The following CTTNBP2 variants were observed in gnomAD, a reference collection of about 807,000 sequenced individuals.
CTTNBP2 encodes the protein cortactin-binding protein 2.
Under a neutral mutation model 156.9 loss-of-function variants are expected in CTTNBP2, and 108 were observed. The ratio of observed to expected loss-of-function variants is 0.69; its 90% CI spans 0.59 to 0.81. The LOEUF is 0.81. Ranked by LOEUF, CTTNBP2 falls within the 30% of genes least tolerant of loss-of-function variation. The pLI, the probability that CTTNBP2 is intolerant of heterozygous loss-of-function variation, is 0.00. For missense variants in CTTNBP2, 1,924 were observed against 2,035.4 expected, an observed-to-expected ratio of 0.95 and a Z score of 1.05; for synonymous variants, 767 against 751.8, an observed-to-expected ratio of 1.02 and a Z score of -0.33.
chr7:117,804,111 C>T (rs34849507), intron 3 of CTTNBP2, among the ~76,000 whole-genome samples: 15,079 of 151,912 alleles, frequency 0.099, 1,106 homozygotes, highest in African/African-American at 0.2. Context: ...TACAGGTATG[C>T]GAGAACATAC....
At chr7:117,830,975 A>G (rs1201266421) in intron 2 of CTTNBP2, among the ~76,000 whole-genome samples, 3 of 151,804 alleles carry the variant, frequency 2.0e-5, no homozygotes, top group Non-Finnish European at 2.9e-5. Context: ...TTTTTTTTTA[A>G]TTTTTTTGTT....
intron 14 of CTTNBP2, among the ~76,000 whole-genome samples, chr7:117,745,156 C>G (rs535290874): frequency 6.6e-6 from 1 of 152,118 alleles, no homozygotes; most frequent in Non-Finnish European, 1.5e-5. Context: ...AATCTAAGAT[C>G]GAAAACTCAT....
At chr7:117,824,801 A>G (rs982231910) in intron 2 of CTTNBP2, among the ~76,000 whole-genome samples, 1 of 152,264 alleles carries the variant, frequency 6.6e-6, no homozygotes, top group African/African-American at 2.4e-5. Flanking sequence ...TTCAAATTGT[A>G]AGACACAAGA....
chr7:117,726,330 T>C (rs1264757851), intron 17 of CTTNBP2, among the ~76,000 whole-genome samples: 1 of 152,248 alleles, frequency 6.6e-6, no homozygotes, highest in Non-Finnish European at 1.5e-5. Context: ...GATCCATCTA[T>C]TTTAAGTTTC....
intron 2 of CTTNBP2, among the ~76,000 whole-genome samples, chr7:117,829,206 G>A (rs374548332): frequency 6.6e-6 from 1 of 152,190 alleles, no homozygotes; most frequent in Admixed American, 6.5e-5. Context: ...GCTGCAGGAA[G>A]GAGGTCAGGA....
chr7:117,742,880 A>G (rs1334095846), intron 14 of CTTNBP2, among the ~76,000 whole-genome samples: 3 of 152,220 alleles, frequency 2.0e-5, no homozygotes, highest in Admixed American at 6.5e-5. Context: ...TGGACCTACA[A>G]TTCTGTCAGC....
chr7:117,766,694 TTGCC>T (rs1357235654), intron 9 of CTTNBP2, among the ~76,000 whole-genome samples: 1 of 152,158 alleles, frequency 6.6e-6, no homozygotes, highest in Non-Finnish European at 1.5e-5. Flanking sequence ...GACAACCAAC[TTGCC>T]TGCCTCATAC....
At chr7:117,827,713 A>T (rs1429686372) in intron 2 of CTTNBP2, among the ~76,000 whole-genome samples, 1 of 152,222 alleles carries the variant, frequency 6.6e-6, no homozygotes, top group Non-Finnish European at 1.5e-5. Flanking sequence ...ACAAGAGTTA[A>T]CAGAAGCATT....
intron 2 of CTTNBP2, among the ~76,000 whole-genome samples, chr7:117,858,749 G>C (rs938728187): frequency 1.3e-5 from 2 of 152,184 alleles, no homozygotes; most frequent in Non-Finnish European, 2.9e-5. Flanking sequence ...GACCAGTCTA[G>C]AGGGTAACTC....
At chr7:117,720,307 C>T (rs1016673354) in intron 20 of CTTNBP2, among the ~76,000 whole-genome samples, 1 of 152,178 alleles carries the variant, frequency 6.6e-6, no homozygotes, top group South Asian at 2.1e-4. Flanking sequence ...TATTTACAAA[C>T]TGCCTAAACA....
At chr7:117,813,515 T>C (rs1243035781) in intron 2 of CTTNBP2, among the ~76,000 whole-genome samples, 1 of 152,102 alleles carries the variant, frequency 6.6e-6, no homozygotes, top group Admixed American at 6.5e-5. Context: ...GACTTCCCTA[T>C]TGAACAGGAC....
rs1195095685 is a variant in CTTNBP2, at chr7:117,735,344, G to C, written c.3613C>G (p.Leu1205Val). The change falls in exon 15 of 23, where the codon CTG becomes GTG. Residue 1205 changes from leucine (L) to valine (V), a missense_variant. Physicochemically the swap from Leu to Val is conservative, Grantham distance 32. Transcript: ENST00000160373. ...IILENLEKSSLSELLRDFLAP... is the reference protein window; with the variant it reads ...IILENLEKSSVSELLRDFLAP... Reference sequence around the variant, plus strand: ...AAAAAGTCCCTCAATAACTCCGACAGTGAAGATTTTTCTAAATTTTCTAAA... The same window carrying C: ...AAAAAGTCCCTCAATAACTCCGACACTGAAGATTTTTCTAAATTTTCTAAA... 1 of 1,613,526 alleles carries C rather than the reference G, an allele frequency of 6.2e-7. No individual in the cohort carries two copies. Among genetic ancestry groups the C allele is most frequent in the Non-Finnish European group, 8.5e-7 (1 of 1,179,568 alleles).
At chr7:117,791,029 AT>A (rs1563009346) in intron 4 of CTTNBP2, 98 bp downstream of exon 4, 23 of 1,042,824 alleles carry the variant, frequency 2.2e-5, no homozygotes, top group Non-Finnish European at 2.7e-5. Flanking sequence ...GAAGCATCAA[AT>A]TTAAAAAAAA....
rs779705396 is a variant in CTTNBP2, at chr7:117,792,249, G to C, written c.947C>G (p.Ala316Gly). 1.2e-6 allele frequency: 2 copies of C among 1,614,186 alleles called. No homozygotes were observed. Among genetic ancestry groups the C allele is most frequent in the Middle Eastern group, 1.6e-4 (1 of 6,062 alleles). Residue 316 changes from alanine to glycine, a missense_variant, in exon 4 of 23, where the codon GCT becomes GGT. Ala to Gly is a moderately conservative substitution (Grantham distance 60). Coordinates refer to ENST00000160373, the MANE Select transcript of CTTNBP2 (RefSeq NM_033427.3). The surrounding 1 kb of genome is among the most constrained non-coding windows in gnomAD (Gnocchi z 4.2). ...ACQTDLVTENADHMKKLPLTM... is the reference protein window; with the variant it reads ...ACQTDLVTENGDHMKKLPLTM... Reference sequence around the variant, plus strand: ...TAAAGGCAACTTTTTCATGTGGTCAGCATTTTCTGTCACTAGGTCTGTCTG... The same window carrying C: ...TAAAGGCAACTTTTTCATGTGGTCACCATTTTCTGTCACTAGGTCTGTCTG...
intron 16 of CTTNBP2, among the ~76,000 whole-genome samples, chr7:117,729,190 A>C (rs774547837): frequency 7.9e-5 from 12 of 152,350 alleles, no homozygotes; most frequent in Non-Finnish European, 1.6e-4. Context: ...ACGGAATCAC[A>C]TTTCACAGTA....
intron 2 of CTTNBP2, among the ~76,000 whole-genome samples, chr7:117,837,935 G>C (rs78962191): frequency 0.018 from 2,738 of 152,256 alleles, 85 homozygotes; most frequent in African/African-American, 0.063. Flanking sequence ...ATCTGCATTT[G>C]TGGCCTCACT....
intron 1 of CTTNBP2, among the ~76,000 whole-genome samples, chr7:117,872,447 G>A (rs1804673458): frequency 6.6e-6 from 1 of 152,156 alleles, no homozygotes; most frequent in African/African-American, 2.4e-5. Context: ...CTCCTGCGAA[G>A]CTGCTTCCCA....
intron 12 of CTTNBP2, among the ~76,000 whole-genome samples, chr7:117,754,562 C>T (rs1157175874): frequency 6.6e-6 from 1 of 152,148 alleles, no homozygotes; most frequent in Non-Finnish European, 1.5e-5. Flanking sequence ...AACACAGGGC[C>T]TATGCTCTTA....
At chr7:117,779,579 C>T (rs754921906) in intron 7 of CTTNBP2, among the ~76,000 whole-genome samples, 9 of 151,820 alleles carry the variant, frequency 5.9e-5, no homozygotes, top group Non-Finnish European at 8.8e-5. Context: ...ATGTGTGTAA[C>T]ACCACAGATT....
Sources: allele counts gnomAD v4.1 joint callset (sites outside exome capture counted in the v4.1 genomes callset), GRCh38; gene constraint gnomAD v4.1.1; non-coding constraint Gnocchi (gnomAD v3.1); transcripts MANE v1.5; gene names NCBI Gene and HGNC (gene_info 2026-07-23, HGNC 2026-07-21).